TMPRSS9: variants seen among roughly 807,000 people sequenced by gnomAD.
TMPRSS9 encodes the protein transmembrane protease serine 9.
Under a neutral mutation model 111.4 loss-of-function variants are expected in TMPRSS9, and 113 were observed. The observed-to-expected ratio is 1.01, with a 90% CI of 0.87 to 1.19. The LOEUF (loss-of-function observed/expected upper bound fraction) is 1.19, where lower values mean the gene tolerates loss of function less well. Ranked by LOEUF, TMPRSS9 falls within the 50% of genes most tolerant of loss-of-function variation. The probability of loss-of-function intolerance (pLI) is 0.00; values close to 1 mark genes in which losing one functional copy is unlikely to be tolerated. For missense variants in TMPRSS9, 1,803 were observed against 1,513.1 expected, an observed-to-expected ratio of 1.19 and a Z score of -3.18; for synonymous variants, 805 against 659.1, an observed-to-expected ratio of 1.22 and a Z score of -3.39.
intron 13 of TMPRSS9, 77 bp from the exon 15 acceptor site, chr19:2,421,777 G>C: frequency 6.7e-7 from 1 of 1,482,060 alleles, no homozygotes; most frequent in Non-Finnish European, 9.1e-7. Flanking sequence ...CCCACTGTAG[G>C]AACGCAGGAG....
At chr19:2,411,728 T>C (rs1159892207) in intron 9 of TMPRSS9, among the ~76,000 whole-genome samples, 1 of 152,156 alleles carries the variant, frequency 6.6e-6, no homozygotes, top group Non-Finnish European at 1.5e-5. Context: ...ATTTTTATAC[T>C]TTTAGTAAAG....
intron 10 of TMPRSS9, chr19:2,414,275 C>T (rs551833559): frequency 3.5e-4 from 121 of 347,980 alleles, no homozygotes; most frequent in Non-Finnish European, 5.5e-4. Context: ...AGTCTTGCTC[C>T]GTCGCCCAGG....
chr19:2,400,005 T>C (rs1970796605), intron 4 of TMPRSS9, among the ~76,000 whole-genome samples: 1 of 152,124 alleles, frequency 6.6e-6, no homozygotes, highest in Non-Finnish European at 1.5e-5. Context: ...GCTGGGATTA[T>C]AGGTGTGAGC....
chr19:2,416,830 G>A (rs1182040349), intron 12 of TMPRSS9, 21 bp downstream of exon 13: 1 of 1,585,962 alleles, frequency 6.3e-7, no homozygotes, highest in Admixed American at 1.7e-5. Context: ...CCCCATCGAG[G>A]GGAACGGTGG....
At chr19:2,425,075 C>T (rs745327163) in exon 16 of TMPRSS9, 2 of 1,572,236 alleles carry the variant, frequency 1.3e-6, no homozygotes, top group East Asian at 2.3e-5. Context: ...GCAGCTGGAG[C>T]GCGTGGCGCG....
intron 6 of TMPRSS9, 85 bp from the exon 8 acceptor site, chr19:2,405,289 G>T: frequency 6.8e-7 from 1 of 1,474,398 alleles, no homozygotes. Context: ...GACTGTAGAC[G>T]AGAGACTCAG....
chr19:2,412,916 AG>A, intron 9 of TMPRSS9, among the ~76,000 whole-genome samples: 1 of 152,212 alleles, frequency 6.6e-6, no homozygotes, highest in African/African-American at 2.4e-5. Flanking sequence ...AGAGTCGGCC[AG>A]GCACGGTGGC....
chr19:2,407,603 CTTTTCT>C (rs1337906406), intron 7 of TMPRSS9, among the ~76,000 whole-genome samples: 5 of 63,346 alleles, frequency 7.9e-5, no homozygotes, highest in Non-Finnish European at 1.4e-4. Flanking sequence ...TTTTTCTTTT[CTTTTCT>C]TTTTTTTTTT....
Position 2,391,434 on chromosome 19 carries a change from G to A in TMPRSS9, c.142+1507G>A, listed in dbSNP as rs76638009. Among the ~76,000 whole-genome samples the A allele has an allele frequency of 1.5e-3, 225 of 147,790 alleles. 2 individuals carry two copies. The highest frequency in any genetic ancestry group is 5.4e-3 in the African/African-American group (218 of 40,024). On this transcript the variant is annotated intron_variant, in intron 1 of 17. Coordinates refer to ENST00000648592, the Ensembl canonical transcript of TMPRSS9. Reference sequence around the variant, plus strand: ...TCTGGAAACTCCCAGAGCCAGACATGTTTGACTGAGGCCCTCTAGTGGCTG... The same window carrying A: ...TCTGGAAACTCCCAGAGCCAGACATATTTGACTGAGGCCCTCTAGTGGCTG...
chr19:2,376,345 C>G (rs994263847), intron 1 of TMPRSS9, among the ~76,000 whole-genome samples: 8 of 152,180 alleles, frequency 5.3e-5, no homozygotes, highest in African/African-American at 1.9e-4. Context: ...TCACTCAGTC[C>G]CACTTGCAGA....
At position 2,408,661 on chromosome 19, in the gene TMPRSS9, T is replaced by TCAGG. The variant is rs762124007; in HGVS notation, c.1117+41_1117+44dup. The TCAGG allele has an allele frequency of 5.9e-4, 939 of 1,592,414 alleles. 10 individuals are homozygous for TCAGG. The Middle Eastern group carries it at 0.016, about 27-fold the overall frequency. On this transcript the variant is annotated intron_variant, in intron 8 of 17. Transcript: ENST00000648592. ...CATCTTCCTCGGCCTGCAAGTGAGC[T>TCAGG]CAGGCAGGCAGGCGGGCAAATAACG...
chr19:2,425,272 G>T lies in TMPRSS9; in HGVS notation c.2983+5G>T. 26 of 1,273,986 alleles carry T rather than the reference G, an allele frequency of 2.0e-5. No individual in the cohort carries two copies. Among genetic ancestry groups the T allele is most frequent in the Non-Finnish European group, 2.5e-5 (25 of 1,009,156 alleles). The allele number at this position is 1,273,986 out of a possible 1,614,324, so 78.9% of individuals were successfully genotyped here. ...GGGGCTCGGTGCGCGAAGGAGGTAG[G>T]CGCGCCCGGGGCCGCGGTGGTGCGG... On this transcript the variant is annotated splice_donor_5th_base_variant and intron_variant, in intron 16 of 17. Transcript: ENST00000648592.
chr19:2,380,283 TA>T (rs113193082), intron 1 of TMPRSS9, among the ~76,000 whole-genome samples: 3 of 143,382 alleles, frequency 2.1e-5, no homozygotes, highest in South Asian at 2.4e-4. Flanking sequence ...AACCCTGTCT[TA>T]AAAAAAAACA....
intron 1 of TMPRSS9, among the ~76,000 whole-genome samples, chr19:2,374,484 G>A (rs893400558): frequency 6.6e-6 from 1 of 151,832 alleles, no homozygotes; most frequent in Non-Finnish European, 1.5e-5. Flanking sequence ...TGAGGCTAGA[G>A]GATTGCTTGA....
At chr19:2,377,490 C>T (rs1970347286) in intron 1 of TMPRSS9, among the ~76,000 whole-genome samples, 3 of 43,520 alleles carry the variant, frequency 6.9e-5, no homozygotes, top group African/African-American at 1.4e-4. Flanking sequence ...TCTCTCCCCC[C>T]CACCCCTCTC....
At chr19:2,389,125 G>C (rs552302190), upstream of TMPRSS9, among the ~76,000 whole-genome samples, 97 of 150,296 alleles carry the variant, frequency 6.5e-4, 1 homozygote, top group African/African-American at 2.3e-3. Flanking sequence ...CCAGGCTGGA[G>C]TGCAGTGGCG....
At chr19:2,395,994 C>T (rs1012291505) in intron 1 of TMPRSS9, among the ~76,000 whole-genome samples, 9 of 152,182 alleles carry the variant, frequency 5.9e-5, no homozygotes, top group Admixed American at 4.6e-4. Flanking sequence ...GGCGACAGAG[C>T]GAGACTCTGT....
intron 1 of TMPRSS9, among the ~76,000 whole-genome samples, chr19:2,383,617 TG>T (rs1441956224): frequency 1.6e-5 from 2 of 128,638 alleles, no homozygotes; most frequent in Non-Finnish European, 3.4e-5. Flanking sequence ...ATTACAGGTG[TG>T]AGCCACTGCA....
intron 2 of TMPRSS9, among the ~76,000 whole-genome samples, chr19:2,397,813 G>A (rs1176699281): frequency 1.3e-5 from 2 of 150,970 alleles, no homozygotes; most frequent in Non-Finnish European, 1.5e-5. Context: ...TCAGCTACTC[G>A]GGAGGCTGAG....
Sources: gnomAD v4.1 joint callset for allele counts (sites outside exome capture counted in the v4.1 genomes callset) on GRCh38, gnomAD v4.1.1 for gene constraint, MANE v1.5 for transcripts, NCBI Gene and HGNC (gene_info 2026-07-23, HGNC 2026-07-21) for gene names.